URGCP: variants seen among roughly 807,000 people sequenced by gnomAD.
URGCP encodes the protein upregulator of cell proliferation, also known as up-regulator of cell proliferation.
URGCP carries 13 observed loss-of-function variants against 24.6 expected under a neutral mutation model. The observed-to-expected ratio is 0.53, with a 90% confidence interval of 0.34 to 0.84. The LOEUF is 0.84. Ranked by LOEUF, URGCP falls within the 40% of genes least tolerant of loss-of-function variation. The pLI is 0.01. For missense variants in URGCP, 899 were observed against 1,194.3 expected (o/e 0.75, Z 3.64); for synonymous variants, 444 against 487.2 (o/e 0.91, Z 1.17).
At chr7:43,882,148 A>T (rs915871596) in intron 3 of URGCP, 191 bp from the exon 4 acceptor site, 12 of 912,510 alleles carry the variant, frequency 1.3e-5, no homozygotes, top group Admixed American at 3.5e-5. Context: ...GACTTTTTTT[A>T]AAAAATTAGG....
intron 1 of URGCP, among the ~76,000 whole-genome samples, chr7:43,914,160 A>G (rs528972283): frequency 1.3e-5 from 2 of 152,246 alleles, no homozygotes; most frequent in South Asian, 4.1e-4. Context: ...CACCTGGCTA[A>G]TTTTTGTATG....
rs918238892 is a variant in URGCP, at chr7:43,906,360, C to T, written c.14+202G>A. On this transcript the variant is annotated intron_variant, in intron 1 of 5. Transcript: ENST00000453200. ...CGCTGTCCTCCGCCGGCGCCCCCGC[C>T]CGCCCCCCACGCCCGCGCGGCCGGT... 251 of 335,750 alleles carry T rather than the reference C, an allele frequency of 7.5e-4. No individual in the cohort carries two copies. The African/African-American group carries it at 8.6e-3, about 12-fold the overall frequency. The allele number at this position is 335,750 out of a possible 1,614,324, so 20.8% of individuals were successfully genotyped here. A position where few individuals can be genotyped will look rare whatever the true frequency, so the allele number is the denominator to read the frequency against.
intron 5 of URGCP, chr7:43,881,342 T>C: frequency 1.5e-6 from 1 of 649,506 alleles, no homozygotes; most frequent in Non-Finnish European, 2.7e-6. Flanking sequence ...AATCAATCAC[T>C]TCAGGAACTT....
chr7:43,891,118 T>C (rs1585807235), intron 1 of URGCP, among the ~76,000 whole-genome samples: 2 of 152,244 alleles, frequency 1.3e-5, no homozygotes, highest in East Asian at 1.9e-4. Flanking sequence ...TTTGTTTTTC[T>C]GCTGACCTAC....
chr7:43,906,332 G>A (rs867239001), intron 1 of URGCP: 261 of 214,508 alleles, frequency 1.2e-3, no homozygotes, highest in African/African-American at 5.7e-3. Context: ...CATCCCGGGG[G>A]ACCGCTGTCC....
intron 5 of URGCP, among the ~76,000 whole-genome samples, chr7:43,880,144 C>T (rs184606776): frequency 2.2e-3 from 329 of 152,056 alleles, no homozygotes; most frequent in South Asian, 0.016. Flanking sequence ...AGGCTGGTCT[C>T]GAACCCAGAC....
chr7:43,889,812 G>A (rs1448526238), intron 1 of URGCP, among the ~76,000 whole-genome samples: 1 of 152,008 alleles, frequency 6.6e-6, no homozygotes, highest in Non-Finnish European at 1.5e-5. Context: ...CATATTTACT[G>A]TACACACCCT....
intron 1 of URGCP, among the ~76,000 whole-genome samples, chr7:43,918,511 C>T (rs1325820869): frequency 2.6e-5 from 4 of 151,976 alleles, no homozygotes; most frequent in African/African-American, 9.7e-5. Context: ...GAACTCCTGA[C>T]CTCAAGTGAT....
At chr7:43,888,634 G>C (rs574570267) in intron 1 of URGCP, 51 of 152,306 alleles carry the variant, frequency 3.3e-4, no homozygotes, top group African/African-American at 1.2e-3. Flanking sequence ...ATAGAATGGA[G>C]AGTTACAGCA....
intron 1 of URGCP, among the ~76,000 whole-genome samples, chr7:43,901,945 G>A (rs766786021): frequency 5.3e-5 from 8 of 152,170 alleles, no homozygotes; most frequent in Non-Finnish European, 1.2e-4. Flanking sequence ...CCCAGGAGCC[G>A]AGATGTTCCT....
chr7:43,893,696 C>A (rs564732738), intron 1 of URGCP, among the ~76,000 whole-genome samples: 40 of 152,284 alleles, frequency 2.6e-4, no homozygotes, highest in Admixed American at 2.4e-3. Flanking sequence ...CATGGTGAAA[C>A]CCCATCTCTA....
Position 43,876,309 on chromosome 7 carries a change from C to A in URGCP, c.*358G>T, listed in dbSNP as rs2095844201. On this transcript the variant is annotated 3_prime_UTR_variant, in exon 6 of 6. Coordinates refer to ENST00000453200, the MANE Select transcript of URGCP (RefSeq NM_001077663.3). ...CCTCTGTCCTGGGACCACCTGCCCGCCTGGGCCTGCAGTGACTAAGGACGC... is the reference window on the plus strand; with the variant it reads ...CCTCTGTCCTGGGACCACCTGCCCGACTGGGCCTGCAGTGACTAAGGACGC... 4.4e-6 allele frequency: 1 copy of A among 228,414 alleles called. No individual in the cohort carries two copies. Among genetic ancestry groups the A allele is most frequent in the African/African-American group, 2.3e-5 (1 of 43,720 alleles). 14.1% of individuals were successfully genotyped at this position (228,414 alleles called of 1,614,324 possible). A position where few individuals can be genotyped will look rare whatever the true frequency, so the allele number is the denominator to read the frequency against.
intron 1 of URGCP, among the ~76,000 whole-genome samples, chr7:43,911,679 A>G (rs1165236062): frequency 6.6e-6 from 1 of 152,184 alleles, no homozygotes; most frequent in African/African-American, 2.4e-5. Flanking sequence ...CCTGGGCAAC[A>G]AGAGTGAAAC....
At chr7:43,911,353 A>T (rs2095909887), upstream of URGCP, among the ~76,000 whole-genome samples, 1 of 151,940 alleles carries the variant, frequency 6.6e-6, no homozygotes, top group Non-Finnish European at 1.5e-5. Context: ...GAGAGCTGAG[A>T]TCATGCCACC....
chr7:43,911,412 AG>A (rs34128074), upstream of URGCP, among the ~76,000 whole-genome samples: 11,386 of 151,170 alleles, frequency 0.075, 557 homozygotes, highest in African/African-American at 0.14. Context: ...ATAAATAAAT[AG>A]GGCCAGGCGC....
At chr7:43,911,039 C>T (rs2095909523), upstream of URGCP, among the ~76,000 whole-genome samples, 1 of 152,196 alleles carries the variant, frequency 6.6e-6, no homozygotes, top group Admixed American at 6.5e-5. Context: ...TTCAATACCC[C>T]ACTTTCAATA....
exon 1 of URGCP, chr7:43,926,342 C>A: frequency 3.7e-6 from 1 of 273,836 alleles, no homozygotes; most frequent in Non-Finnish European, 6.4e-6. Flanking sequence ...CCAGCGTAAC[C>A]CGGGCAGCCC....
chr7:43,912,660 T>G (rs762246042), intron 1 of URGCP, among the ~76,000 whole-genome samples: 26 of 152,216 alleles, frequency 1.7e-4, no homozygotes, highest in Non-Finnish European at 3.4e-4. Context: ...CTTGGGGTAA[T>G]AGTGACATCT....
intron 3 of URGCP, among the ~76,000 whole-genome samples, chr7:43,883,337 CATATATATATATAT>C (rs1215710880): frequency 9.5e-6 from 1 of 105,478 alleles, no homozygotes; most frequent in Non-Finnish European, 1.8e-5. Context: ...TATATATATA[CATATATATATATAT>C]ATATATATAT....
Sources: gnomAD v4.1 joint callset for allele counts (sites outside exome capture counted in the v4.1 genomes callset) on GRCh38, gnomAD v4.1.1 for gene constraint, MANE v1.5 for transcripts, NCBI Gene and HGNC (gene_info 2026-07-23, HGNC 2026-07-21) for gene names.